DMBX1: variants seen among roughly 807,000 people sequenced by gnomAD.
DMBX1 encodes diencephalon/mesencephalon homeobox 1.
In DMBX1, 7 loss-of-function variants were observed where a neutral mutation model predicts 30.4. That is an observed-to-expected ratio of 0.23 (90% CI 0.13 to 0.43). DMBX1 has a LOEUF of 0.43. DMBX1 is among the 20% of genes least tolerant of loss of function. The pLI is 1.00. For missense variants in DMBX1, 460 were observed against 508.5 expected, an observed-to-expected ratio of 0.90 and a Z score of 0.92; for synonymous variants, 222 against 214.2, an observed-to-expected ratio of 1.04 and a Z score of -0.32.
intron 2 of DMBX1, among the ~76,000 whole-genome samples, chr1:46,500,517 C>T (rs1412207692): frequency 2.6e-5 from 4 of 151,712 alleles, no homozygotes; most frequent in Admixed American, 6.6e-5. Context: ...TCATATCCAG[C>T]GAAAGACGTG....
At position 46,512,438 on chromosome 1, in the gene DMBX1, C is replaced by T. The variant is rs1418825492; in HGVS notation, c.1078C>T (p.Arg360Trp). Residue 360 changes from arginine (R) to tryptophan (W), a missense_variant, in exon 6 of 6, where the codon CGG (arginine) becomes TGG (tryptophan). Coordinates refer to ENST00000360032, the MANE Select transcript of DMBX1 (RefSeq NM_172225.2). The surrounding 1 kb of genome is among the most constrained non-coding windows in gnomAD (Gnocchi z 4.8). The part of the protein sequence containing the change: ...NSKTTSIENL[R>W]LRAKQHAASL... The stretch of plus-strand genomic sequence containing the variant: ...TAAAACCACAAGCATCGAGAACCTG[C>T]GGCTCCGGGCCAAGCAGCACGCGGC... The T allele has an allele frequency of 4.3e-6, 7 of 1,613,654 alleles. No individual in the cohort carries two copies. The highest frequency in any genetic ancestry group is 2.2e-5 in the East Asian group (1 of 44,892).
chr1:46,515,784 C>G lies in DMBX1; in HGVS notation c.*3290C>G, dbSNP rs1008059761. 3.9e-5 allele frequency among the ~76,000 whole-genome samples: 6 copies of G among 152,248 alleles called. No homozygotes were observed. The highest frequency in any genetic ancestry group is 7.3e-5 in the Non-Finnish European group (5 of 68,036). On this transcript the variant is annotated 3_prime_UTR_variant, in exon 6 of 6. Coordinates refer to ENST00000360032, the MANE Select transcript of DMBX1 (RefSeq NM_172225.2). The stretch of plus-strand genomic sequence containing the variant: ...GCCCCTCCCAGGCCTGCTGGGCCAA[C>G]CTGGGCCTGAAAGCCAGAGGCTCAA...
chr1:46,503,836 C>A (rs1297475768), intron 2 of DMBX1, among the ~76,000 whole-genome samples: 2 of 152,168 alleles, frequency 1.3e-5, no homozygotes, highest in Non-Finnish European at 2.9e-5. Flanking sequence ...ATAGGAAACA[C>A]CTTTGTGTTT....
rs1666336327 is a variant in DMBX1 at position 46,510,265 on chromosome 1, G to A, written c.155-211G>A. ...TTTTGGAGTTGAGTTAGACCTCTGT[G>A]GTCCTGATAGTGCATAATGGGGTGG... is the stretch of plus-strand genomic sequence containing the variant. On this transcript the variant is annotated intron_variant, in intron 3 of 5. Transcript: ENST00000360032. The surrounding 1 kb of genome is among the most constrained non-coding windows in gnomAD (Gnocchi z 4.1). 1.3e-5 allele frequency among the ~76,000 whole-genome samples: 2 copies of A among 152,124 alleles called. No homozygotes were observed. The highest frequency in any genetic ancestry group is 4.8e-5 in the African/African-American group (2 of 41,412).
At chr1:46,508,252 G>A (rs1367955850) in intron 3 of DMBX1, among the ~76,000 whole-genome samples, 2 of 152,198 alleles carry the variant, frequency 1.3e-5, no homozygotes, top group African/African-American at 2.4e-5. Flanking sequence ...CAACAGGAGG[G>A]TATCCAAGGT....
chr1:46,494,387 G>A (rs1407321542), intron 2 of DMBX1, among the ~76,000 whole-genome samples: 2 of 152,250 alleles, frequency 1.3e-5, no homozygotes, highest in Non-Finnish European at 2.9e-5. Flanking sequence ...CTGGAGGACT[G>A]TAGGCGGAGG....
rs1666430903 is a variant in DMBX1 at position 46,513,612 on chromosome 1, C to G, written c.*1118C>G. On this transcript the variant is annotated 3_prime_UTR_variant, in exon 6 of 6. Transcript: ENST00000360032. ...TAGAGCTCTCTTTGGTGAGACTTCC[C>G]TGGATGGAGAGCAGCAGCAGGGGAA... 6.6e-6 allele frequency: 1 copy of G among 152,294 alleles called. No homozygotes were observed. The highest frequency in any genetic ancestry group is 6.5e-5 in the Admixed American group (1 of 15,292). 9.4% of individuals were successfully genotyped at this position (152,294 alleles called of 1,614,324 possible).
In DMBX1 at chr1:46,515,212, A is replaced by G. The variant is rs1427470128; in HGVS notation, c.*2718A>G. 6.6e-6 allele frequency among the ~76,000 whole-genome samples: 1 copy of G among 152,190 alleles called. No individual in the cohort carries two copies. The highest frequency in any genetic ancestry group is 1.5e-5 in the Non-Finnish European group (1 of 68,032). ...TGGTTTGGGAGGGATTTTGTGGCCA[A>G]TAGCCCATCAACTGTCCTCTGGGAT... On this transcript the variant is annotated 3_prime_UTR_variant, in exon 6 of 6. Coordinates refer to ENST00000360032, the MANE Select transcript of DMBX1 (RefSeq NM_172225.2).
intron 2 of DMBX1, among the ~76,000 whole-genome samples, 193 bp from the exon 3 acceptor site, chr1:46,506,806 G>C (rs527313500): frequency 6.6e-6 from 1 of 152,322 alleles, no homozygotes; most frequent in Admixed American, 6.5e-5. Context: ...ATCGATGAAT[G>C]AGTGGGTGAA....
At chr1:46,498,426 GAC>G (rs1404926610) in intron 2 of DMBX1, among the ~76,000 whole-genome samples, 1 of 152,156 alleles carries the variant, frequency 6.6e-6, no homozygotes, top group African/African-American at 2.4e-5. Flanking sequence ...AAATGGCTAA[GAC>G]AAATTATTTA....
rs1392275070 is a variant in DMBX1 at position 46,491,861 on chromosome 1, C to CCAG, written c.-13+1080_-13+1082dup. 3.3e-5 allele frequency among the ~76,000 whole-genome samples: 5 copies of CCAG among 152,208 alleles called. No individual in the cohort carries two copies. The highest frequency in any genetic ancestry group is 7.3e-5 in the Non-Finnish European group (5 of 68,040). Reference sequence around the variant, plus strand: ...AGTTCCTACCTCCCCTTTCTGCAAACCAGCTGTGTTTATGTGTGTCTAGGT... The same window carrying CCAG: ...AGTTCCTACCTCCCCTTTCTGCAAACCAGCAGCTGTGTTTATGTGTGTCTAGGT... On this transcript the variant is annotated intron_variant, in intron 2 of 5. Coordinates refer to ENST00000360032, the MANE Select transcript of DMBX1 (RefSeq NM_172225.2). The surrounding 1 kb of genome is among the most constrained non-coding windows in gnomAD (Gnocchi z 5.5).
chr1:46,507,247 G>C, intron 3 of DMBX1, 83 bp downstream of exon 3: 2 of 1,542,950 alleles, frequency 1.3e-6, no homozygotes, highest in Non-Finnish European at 1.8e-6. Flanking sequence ...AGGAGAGGGA[G>C]CACTGGCCAA....
chr1:46,508,872 G>A (rs1338384859), intron 3 of DMBX1, among the ~76,000 whole-genome samples: 2 of 144,782 alleles, frequency 1.4e-5, no homozygotes, highest in African/African-American at 2.6e-5. Context: ...ATGCTGAGCT[G>A]TTGCTCCTTC....
At chr1:46,504,395 G>C (rs1468613786) in intron 2 of DMBX1, among the ~76,000 whole-genome samples, 305 of 123,356 alleles carry the variant, frequency 2.5e-3, no homozygotes, top group Admixed American at 3.4e-3. Context: ...TTTTGTATAA[G>C]GTGTAAGGAA....
chr1:46,508,444 C>T (rs528584861), intron 3 of DMBX1, among the ~76,000 whole-genome samples: 1 of 152,306 alleles, frequency 6.6e-6, no homozygotes, highest in Non-Finnish European at 1.5e-5. Flanking sequence ...GCCAGTCTCA[C>T]TCCTTTAGAC....
In DMBX1 at chr1:46,491,924, A is replaced by G. The variant is rs1294033888; in HGVS notation, c.-13+1141A>G. ...ATCGAATTTGCTGCCTAGTGAGAGC[A>G]AATTCTCTGGATAATTGGCTCAAAT... is the stretch of plus-strand genomic sequence containing the variant. On this transcript the variant is annotated intron_variant, in intron 2 of 5. Transcript: ENST00000360032. This position sits in a 1 kb window ranked among gnomAD's most constrained non-coding sequence, Gnocchi z 5.5. Among the ~76,000 whole-genome samples the G allele has an allele frequency of 6.6e-6, 1 of 152,206 alleles. No homozygotes were observed. The highest frequency in any genetic ancestry group is 2.4e-5 in the African/African-American group (1 of 41,454).
At chr1:46,506,502 G>A (rs1666238606) in intron 2 of DMBX1, among the ~76,000 whole-genome samples, 1 of 152,248 alleles carries the variant, frequency 6.6e-6, no homozygotes, top group African/African-American at 2.4e-5. Context: ...AAGTGCCTGA[G>A]TAATTGAACG....
intron 2 of DMBX1, 83 bp from the exon 3 acceptor site, chr1:46,506,916 A>C (rs1666245925): frequency 4.7e-6 from 7 of 1,499,848 alleles, no homozygotes; most frequent in Non-Finnish European, 6.4e-6. Context: ...GTGGGCATCC[A>C]GGGTCTGGAC....
chr1:46,512,474 C>T lies in DMBX1; in HGVS notation c.1114C>T (p.Leu372Phe). Residue 372 changes from leucine (L) to phenylalanine (F), a missense_variant, in exon 6 of 6, where the codon CTC becomes TTC. Physicochemically the swap from Leu to Phe is conservative, Grantham distance 22. This residue lies in a region of DMBX1 where 334 missense variants were observed against 345.1 expected (regional missense o/e 0.97). Transcript: ENST00000360032. This position sits in a 1 kb window ranked among gnomAD's most constrained non-coding sequence, Gnocchi z 4.8. ...CAAGCAGCACGCGGCCTCCCTGGGA[C>T]TCGATACGCTGCCCAACTGACTGTC... ...RAKQHAASLG[L>F]DTLPN The T allele has an allele frequency of 6.2e-7, 1 of 1,610,954 alleles. No homozygotes were observed. The highest frequency in any genetic ancestry group is 8.5e-7 in the Non-Finnish European group (1 of 1,178,052).
Sources: gnomAD v4.1 joint callset for allele counts (sites outside exome capture counted in the v4.1 genomes callset) on GRCh38, gnomAD v4.1.1 for gene constraint, gnomAD v4.1.1 regional missense constraint, Gnocchi (gnomAD v3.1) non-coding constraint, MANE v1.5 for transcripts, NCBI Gene and HGNC (gene_info 2026-07-23, HGNC 2026-07-21) for gene names.